Variants in TK2 observed in about 807,000 individuals in gnomAD.
The protein encoded by TK2 is thymidine kinase 2.
In TK2, 35 loss-of-function variants were observed where a neutral mutation model predicts 41.9. The observed-to-expected ratio is 0.84, with a 90% CI of 0.64 to 1.11. The LOEUF is 1.11. Among genes scored for constraint, TK2 ranks in the 50% least tolerant of loss-of-function variants. The pLI, the probability that TK2 is intolerant of heterozygous loss-of-function variation, is 0.00. For missense variants in TK2, 320 were observed against 351.1 expected, an observed-to-expected ratio of 0.91 and a Z score of 0.71; for synonymous variants, 128 against 129.1, an observed-to-expected ratio of 0.99 and a Z score of 0.06.
At chr16:66,548,111 C>T (rs1178659935) in intron 2 of TK2, 1 of 468,858 alleles carries the variant, frequency 2.1e-6, no homozygotes, top group Non-Finnish European at 4.1e-6. Flanking sequence ...CCATCCAGCT[C>T]AACTTTGCAT....
Position 66,510,191 on chromosome 16 carries a change from CTT to C in TK2, c.*1775_*1776del, listed in dbSNP as rs540857970. ...TCATGGGTACGTGGTCTCAGGACCTCTTGAGATTGTGCCTTAGGCAAAAAAAA... is the reference window on the plus strand; with the variant it reads ...TCATGGGTACGTGGTCTCAGGACCTCGAGATTGTGCCTTAGGCAAAAAAAA... On this transcript the variant is annotated 3_prime_UTR_variant, in exon 10 of 10. Coordinates refer to ENST00000544898, the MANE Select transcript of TK2 (RefSeq NM_004614.5). The C allele has an allele frequency of 2.5e-4, 34 of 135,220 alleles. No individual in the cohort carries two copies. In the East Asian group the frequency reaches 7.6e-3, roughly 30 times the overall value. 8.4% of individuals were successfully genotyped at this position (135,220 alleles called of 1,614,324 possible).
Position 66,510,154 on chromosome 16 carries a change from G to C in TK2, c.*1814C>G, listed in dbSNP as rs991641945. ...TGAAGGAGTTATTGGGTATCACAGA[G>C]CAAGAAAAAAATCATGGGTACGTGG... On this transcript the variant is annotated 3_prime_UTR_variant, in exon 10 of 10. Coordinates refer to ENST00000544898, the MANE Select transcript of TK2 (RefSeq NM_004614.5). 1 of 145,698 alleles carries C rather than the reference G, an allele frequency of 6.9e-6. No homozygotes were observed. Among genetic ancestry groups the C allele is most frequent in the Non-Finnish European group, 1.5e-5 (1 of 67,240 alleles). The allele number at this position is 145,698 out of a possible 1,614,324, so 9.0% of individuals were successfully genotyped here.
intron 6 of TK2, among the ~76,000 whole-genome samples, chr16:66,524,558 G>C (rs553132842): frequency 6.6e-6 from 1 of 152,010 alleles, no homozygotes; most frequent in East Asian, 1.9e-4. Flanking sequence ...GGCTGGTCTC[G>C]AACTCCTGGC....
chr16:66,509,149 C>G lies in TK2; in HGVS notation c.*2819G>C, dbSNP rs150591463. On this transcript the variant is annotated 3_prime_UTR_variant, in exon 10 of 10. Transcript: ENST00000544898. ...AACCTTCCAGCTTATCTTAGTTATG[C>G]CTTGGAAAGGGACATTACCAGCATC... 1 of 152,308 alleles carries G rather than the reference C, an allele frequency of 6.6e-6. No homozygotes were observed. The highest frequency in any genetic ancestry group is 1.5e-5 in the Non-Finnish European group (1 of 68,138). 9.4% of individuals were successfully genotyped at this position (152,308 alleles called of 1,614,324 possible). A position where few individuals can be genotyped will look rare whatever the true frequency, so the allele number is the denominator to read the frequency against.
intron 1 of TK2, 32 bp downstream of exon 1, chr16:66,549,906 C>T: frequency 3.0e-6 from 4 of 1,342,776 alleles, no homozygotes; most frequent in East Asian, 3.0e-5. Flanking sequence ...CGCATAGGGG[C>T]TCCTGGGAGG....
At chr16:66,543,132 C>T (rs1965505689) in intron 2 of TK2, among the ~76,000 whole-genome samples, 1 of 152,230 alleles carries the variant, frequency 6.6e-6, no homozygotes, top group African/African-American at 2.4e-5. Flanking sequence ...CCTCAGCCTC[C>T]CAAAGTGCTG....
chr16:66,518,344 T>C (rs1341983066), intron 6 of TK2, among the ~76,000 whole-genome samples: 1 of 151,936 alleles, frequency 6.6e-6, no homozygotes, highest in Admixed American at 6.6e-5. Flanking sequence ...CTGGGCAACA[T>C]GGAAAGACCC....
In TK2 at chr16:66,517,856, G is replaced by A. The variant is rs2144356670; in HGVS notation, c.471C>T (p.Asp157=). 1 of 1,614,128 alleles carries A rather than the reference G, an allele frequency of 6.2e-7. No homozygotes were observed. Among genetic ancestry groups the A allele is most frequent in the African/African-American group, 1.3e-5 (1 of 75,032 alleles). The change falls in exon 7 of 10, where the codon GAC becomes GAT. Residue 157 remains aspartate, a synonymous_variant. Coordinates refer to ENST00000544898, the MANE Select transcript of TK2 (RefSeq NM_004614.5). This position sits in a 1 kb window ranked among gnomAD's most constrained non-coding sequence, Gnocchi z 4.3. The part of the protein sequence containing the change: ...LYRSGKMPEV[D]YVVLSEWFDW... ...CAAACCATTCCGACAGAACTACATA[G>A]TCCACTTCTGGCATCTTCCCACTGC...
intron 2 of TK2, 26 bp downstream of exon 2, chr16:66,548,952 A>G: frequency 6.2e-7 from 1 of 1,605,940 alleles, no homozygotes; most frequent in Non-Finnish European, 8.5e-7. Context: ...ATTATCCTAG[A>G]GAGTACACAT....
Position 66,549,982 on chromosome 16 carries a change from G to C in TK2, c.80C>G (p.Ser27Ter), listed in dbSNP as rs191573607. 4 of 1,505,492 alleles carry C rather than the reference G, an allele frequency of 2.7e-6. No homozygotes were observed. Among genetic ancestry groups the C allele is most frequent in the Non-Finnish European group, 3.5e-6 (4 of 1,134,188 alleles). 93.3% of individuals were successfully genotyped at this position (1,505,492 alleles called of 1,614,324 possible). Residue 27 changes from serine to a stop codon, truncating the protein, a stop_gained, in exon 1 of 10, where the codon TCA becomes TGA. Coordinates refer to ENST00000544898, the MANE Select transcript of TK2 (RefSeq NM_004614.5). LOFTEE classifies it high-confidence loss of function. ...CTGCACCCTCCGCGGCCCGGGGCCT[G>C]AGGCCGGGCTCCCGCGACTTCCCGG... is the stretch of plus-strand genomic sequence containing the variant. Reference protein sequence around the residue: ...FGPGSRGSPASGPGPRRVQRR... With the variant: ...FGPGSRGSPA
At chr16:66,539,495 G>C (rs1042025742) in intron 3 of TK2, among the ~76,000 whole-genome samples, 13 of 151,608 alleles carry the variant, frequency 8.6e-5, no homozygotes. Context: ...CAGCTACTTG[G>C]GAGGCTGAAG....
At position 66,512,005 on chromosome 16, in the gene TK2, C is replaced by A. The variant is rs373646585; in HGVS notation, c.761G>T (p.Arg254Leu). Residue 254 changes from arginine to leucine, a missense_variant, in exon 10 of 10, where the codon CGA becomes CTA. Physicochemically the swap from Arg to Leu is moderately radical, Grantham distance 102. Transcript: ENST00000544898. ...MLELFEQNRD[R>L]ILTPENRKHC... ...CTTCCGATTCTCTGGAGTTAATATT[C>A]GATCCCGATTTTGTTCAAAGAGTTC... 3.7e-6 allele frequency: 6 copies of A among 1,614,174 alleles called. No homozygotes were observed. The African/African-American group carries it at 8.0e-5, about 22-fold the overall frequency.
At chr16:66,523,146 G>A (rs948353253) in intron 6 of TK2, among the ~76,000 whole-genome samples, 3 of 152,188 alleles carry the variant, frequency 2.0e-5, no homozygotes, top group Non-Finnish European at 4.4e-5. Flanking sequence ...ACCTGAGCCT[G>A]CCATATAGCC....
chr16:66,530,748 C>T (rs1464721775), intron 5 of TK2, among the ~76,000 whole-genome samples: 2 of 149,926 alleles, frequency 1.3e-5, no homozygotes, highest in African/African-American at 4.9e-5. Context: ...GACAGAGTCT[C>T]ACTCTGTCAC....
chr16:66,546,812 T>C (rs142669950), intron 2 of TK2, among the ~76,000 whole-genome samples: 267 of 151,726 alleles, frequency 1.8e-3, no homozygotes, highest in Middle Eastern at 3.4e-3. Context: ...AGTGCAGCAA[T>C]GCAATAACAG....
intron 4 of TK2, among the ~76,000 whole-genome samples, chr16:66,536,029 C>A (rs151323388): frequency 2.6e-5 from 4 of 152,122 alleles, no homozygotes; most frequent in African/African-American, 9.6e-5. Flanking sequence ...CATGGTAAAA[C>A]CCTGTCTCTA....
intron 3 of TK2, 148 bp from the exon 4 acceptor site, chr16:66,537,165 T>G: frequency 1.2e-6 from 1 of 861,992 alleles, no homozygotes; most frequent in Non-Finnish European, 1.9e-6. Flanking sequence ...CCAAAATAGC[T>G]GACAACCCCC....
In TK2 at chr16:66,508,566, C is replaced by T. The variant is rs568131942; in HGVS notation, c.*3402G>A. On this transcript the variant is annotated 3_prime_UTR_variant, in exon 10 of 10. Transcript: ENST00000544898. ...CACATGTGAACACTTGAGGGAGCTC[C>T]CCACCCCAGGGCTCTAGGAAAAAAG... The T allele has an allele frequency of 4.9e-4, 75 of 152,370 alleles. No individual in the cohort carries two copies. The highest frequency in any genetic ancestry group is 1.8e-3 in the African/African-American group (74 of 41,580). 9.4% of individuals were successfully genotyped at this position (152,370 alleles called of 1,614,324 possible). A position where few individuals can be genotyped will look rare whatever the true frequency, so the allele number is the denominator to read the frequency against.
rs1051367733 is a variant in TK2 at position 66,530,650 on chromosome 16, T to G, written c.375+730A>C. Among the ~76,000 whole-genome samples, 7 of 152,084 alleles carry G rather than the reference T, an allele frequency of 4.6e-5. No individual in the cohort carries two copies. In the South Asian group the frequency reaches 1.5e-3, roughly 32 times the overall value. ...CTGGAGGGCTTGATAAAACACAGAT[T>G]GCTGGGCCTCATCCCTAGAATTTCT... On this transcript the variant is annotated intron_variant, in intron 5 of 9. Transcript: ENST00000544898.
Sources: gnomAD v4.1 joint callset for allele counts (sites outside exome capture counted in the v4.1 genomes callset) on GRCh38, gnomAD v4.1.1 for gene constraint, Gnocchi (gnomAD v3.1) non-coding constraint, MANE v1.5 for transcripts, NCBI Gene and HGNC (gene_info 2026-07-23, HGNC 2026-07-21) for gene names.